The following MCCC1 variants were observed in gnomAD, a reference collection of about 807,000 sequenced individuals.
MCCC1 encodes methylcrotonoyl-CoA carboxylase subunit alpha, mitochondrial.
A neutral mutation model predicts 83.8 loss-of-function variants in MCCC1; 64 were observed. The observed-to-expected ratio is 0.76, with a 90% confidence interval of 0.62 to 0.94. MCCC1 has a LOEUF of 0.94. Among genes scored for constraint, MCCC1 ranks in the 40% least tolerant of loss-of-function variants. The probability of loss-of-function intolerance (pLI) is 0.00; values close to 1 mark genes in which losing one functional copy is unlikely to be tolerated. For missense variants in MCCC1, 807 were observed against 904.7 expected (o/e 0.89, Z 1.39); for synonymous variants, 322 against 315.4 (o/e 1.02, Z -0.22).
At chr3:183,074,165 G>A (rs1433220459) in intron 4 of MCCC1, among the ~76,000 whole-genome samples, 2 of 152,186 alleles carry the variant, frequency 1.3e-5, no homozygotes, top group Admixed American at 6.5e-5. Context: ...AAGCAAAACC[G>A]TGGATAAAGG....
intron 3 of MCCC1, among the ~76,000 whole-genome samples, chr3:183,091,281 T>A (rs1375946970): frequency 6.6e-6 from 1 of 152,080 alleles, no homozygotes; most frequent in Non-Finnish European, 1.5e-5. Flanking sequence ...TAAAAGCTAG[T>A]GATAGGCTGG....
intron 10 of MCCC1, among the ~76,000 whole-genome samples, chr3:183,045,076 TC>T (rs1285144001): frequency 6.6e-6 from 1 of 150,822 alleles, no homozygotes; most frequent in Non-Finnish European, 1.5e-5. Context: ...CTCACATCCC[TC>T]CCATCAAGAC....
In MCCC1 at chr3:183,092,393, A is replaced by T; in HGVS notation, c.273+16T>A. The T allele has an allele frequency of 6.2e-7, 1 of 1,614,202 alleles. No individual in the cohort carries two copies. The highest frequency in any genetic ancestry group is 8.5e-7 in the Non-Finnish European group (1 of 1,180,026). On this transcript the variant is annotated intron_variant, in intron 3 of 18. Transcript: ENST00000265594. Reference sequence around the variant, plus strand: ...CGAATAAACGTAAGACGTGGCTTCCAATTTTTAACACATACCATATCTACA... The same window carrying T: ...CGAATAAACGTAAGACGTGGCTTCCTATTTTTAACACATACCATATCTACA...
upstream of MCCC1, among the ~76,000 whole-genome samples, chr3:183,101,517 G>A (rs113075335): frequency 7.1e-3 from 1,075 of 151,600 alleles, 15 homozygotes; most frequent in African/African-American, 0.025. Flanking sequence ...CCTGTGTGTC[G>A]AAACTCTGTA....
At chr3:183,101,934 C>T (rs931800208), upstream of MCCC1, among the ~76,000 whole-genome samples, 6 of 152,096 alleles carry the variant, frequency 3.9e-5, no homozygotes, top group Admixed American at 3.9e-4. Context: ...CAGCTTCACT[C>T]CTGAGCCAGT....
intron 1 of MCCC1, among the ~76,000 whole-genome samples, chr3:183,112,269 G>A (rs1332711754): frequency 2.6e-5 from 4 of 152,166 alleles, no homozygotes; most frequent in African/African-American, 7.2e-5. Flanking sequence ...AACTAAAAAT[G>A]AGGGAAATTT....
chr3:183,036,601 G>A (rs936557176), intron 13 of MCCC1, among the ~76,000 whole-genome samples: 8 of 147,658 alleles, frequency 5.4e-5, no homozygotes, highest in Admixed American at 6.8e-5. Flanking sequence ...GTGCAGTGGC[G>A]CGATCTCGGT....
chr3:183,051,385 A>G (rs1311488958), intron 9 of MCCC1, among the ~76,000 whole-genome samples: 1 of 152,194 alleles, frequency 6.6e-6, no homozygotes, highest in Admixed American at 6.5e-5. Flanking sequence ...CATGGAGGAA[A>G]CTTAAATGCA....
chr3:183,015,289 A>G lies in MCCC1; in HGVS notation c.*149T>C. The G allele has an allele frequency of 2.5e-6, 2 of 810,662 alleles. No homozygotes were observed. The highest frequency in any genetic ancestry group is 2.8e-5 in the South Asian group (2 of 71,670). 50.2% of individuals were successfully genotyped at this position (810,662 alleles called of 1,614,324 possible). ...TTGAGATAATTAGTGACCCAAATGCATGATTCTCCAATATGAAAGGTGTTC... is the reference window on the plus strand; with the variant it reads ...TTGAGATAATTAGTGACCCAAATGCGTGATTCTCCAATATGAAAGGTGTTC... On this transcript the variant is annotated 3_prime_UTR_variant, in exon 19 of 19. Coordinates refer to ENST00000265594, the MANE Select transcript of MCCC1 (RefSeq NM_020166.5).
intron 9 of MCCC1, among the ~76,000 whole-genome samples, chr3:183,051,715 G>A (rs944699953): frequency 1.3e-4 from 19 of 149,280 alleles, no homozygotes; most frequent in African/African-American, 4.4e-4. Context: ...TGTAACAAAC[G>A]TACCTCTCTG....
intron 4 of MCCC1, among the ~76,000 whole-genome samples, chr3:183,081,656 A>G (rs1164102284): frequency 6.6e-6 from 1 of 152,254 alleles, no homozygotes; most frequent in East Asian, 1.9e-4. Flanking sequence ...TGCATGACTC[A>G]GCAAATTTAG....
At chr3:183,088,835 T>C (rs1718109382) in intron 3 of MCCC1, among the ~76,000 whole-genome samples, 1 of 152,266 alleles carries the variant, frequency 6.6e-6, no homozygotes, top group African/African-American at 2.4e-5. Context: ...ATACCTCATT[T>C]TGTATAACAT....
chr3:183,098,774 C>G (rs2060758300), intron 1 of MCCC1: 1 of 155,682 alleles, frequency 6.4e-6, no homozygotes, highest in South Asian at 1.9e-4. Flanking sequence ...GAGTTTTTGA[C>G]AAAATAATTT....
At position 183,022,502 on chromosome 3, in the gene MCCC1, C is replaced by T. The variant is rs1243741921; in HGVS notation, c.1784G>A (p.Cys595Tyr). 1 of 1,613,762 alleles carries T rather than the reference C, an allele frequency of 6.2e-7. No homozygotes were observed. The highest frequency in any genetic ancestry group is 2.2e-5 in the East Asian group (1 of 44,890). ...VLGNLYSEGD[C>Y]TYLKCSVNGV... is the part of the protein sequence containing the mutation. ...ATTAACAGAACATTTCAGGTAAGTG[C>T]AGTCTCCCTCGCTGTAAAGATTACC... The change falls in exon 16 of 19, where the codon TGC (cysteine) becomes TAC (tyrosine). Residue 595 changes from cysteine (C) to tyrosine (Y), a missense_variant. By Grantham distance (194) the Cys-to-Tyr change is radical. Coordinates refer to ENST00000265594, the MANE Select transcript of MCCC1 (RefSeq NM_020166.5).
intron 4 of MCCC1, among the ~76,000 whole-genome samples, chr3:183,081,039 C>G (rs1277018215): frequency 6.6e-6 from 1 of 152,144 alleles, no homozygotes; most frequent in Non-Finnish European, 1.5e-5. Context: ...ACAGCGAAAC[C>G]ATATCAATAA....
intron 2 of MCCC1, among the ~76,000 whole-genome samples, chr3:183,093,834 C>T: frequency 6.6e-6 from 1 of 151,912 alleles, no homozygotes; most frequent in Middle Eastern, 3.2e-3. Flanking sequence ...CTTTATTACA[C>T]TTTTATATGT....
chr3:183,091,451 C>G (rs1718326473), intron 3 of MCCC1, among the ~76,000 whole-genome samples: 1 of 152,000 alleles, frequency 6.6e-6, no homozygotes, highest in Non-Finnish European at 1.5e-5. Context: ...TGTCTGTAAT[C>G]CAGCTACTCA....
At chr3:183,071,780 C>G (rs1716714801) in intron 5 of MCCC1, among the ~76,000 whole-genome samples, 1 of 151,658 alleles carries the variant, frequency 6.6e-6, no homozygotes, top group Admixed American at 6.6e-5. Context: ...TACTTCACTA[C>G]AGCCTTAAAC....
chr3:183,103,752 C>T (rs1304069295), upstream of MCCC1, among the ~76,000 whole-genome samples: 1 of 152,240 alleles, frequency 6.6e-6, no homozygotes, highest in Non-Finnish European at 1.5e-5. Flanking sequence ...GCCCGCACTC[C>T]TCAGCCCTTG....
Sources: allele counts gnomAD v4.1 joint callset (sites outside exome capture counted in the v4.1 genomes callset), GRCh38; gene constraint gnomAD v4.1.1; transcripts MANE v1.5; gene names NCBI Gene and HGNC (gene_info 2026-07-23, HGNC 2026-07-21).